Variants in WWOX observed in about 807,000 individuals in gnomAD.
WWOX encodes the protein WW domain-containing oxidoreductase.
A neutral mutation model predicts 46.2 loss-of-function variants in WWOX; 69 were observed. That is an observed-to-expected ratio of 1.49 (90% CI 1.23 to 1.82). The LOEUF (loss-of-function observed/expected upper bound fraction) is 1.82, where lower values mean the gene tolerates loss of function less well. WWOX is among the 40% of genes most tolerant of loss of function. WWOX has a pLI of 0.00. For synonymous variants in WWOX, 359 were observed against 202.6 expected, an observed-to-expected ratio of 1.77 and a Z score of -6.56; for missense variants, 919 against 542.6, an observed-to-expected ratio of 1.69 and a Z score of -6.89.
chr16:78,278,742 G>T, intron 5 of WWOX: 1 of 1,287,972 alleles, frequency 7.8e-7, no homozygotes, highest in South Asian at 1.3e-5. Context: ...TTCATGTTTT[G>T]ACTTCTATCT....
intron 8 of WWOX, among the ~76,000 whole-genome samples, chr16:78,653,110 T>A (rs1483508104): frequency 6.6e-6 from 1 of 152,118 alleles, no homozygotes; most frequent in African/African-American, 2.4e-5. Context: ...GTGATAGCAT[T>A]TTTTTCAACA....
intron 8 of WWOX, among the ~76,000 whole-genome samples, chr16:78,605,751 A>C (rs144304712): frequency 1.3e-5 from 2 of 152,174 alleles, no homozygotes; most frequent in Admixed American, 6.5e-5. Context: ...TTTGCCCTTC[A>C]TGGAAAGGAT....
intron 8 of WWOX, among the ~76,000 whole-genome samples, chr16:78,568,578 C>G (rs989978012): frequency 1.8e-4 from 27 of 150,462 alleles, no homozygotes; most frequent in African/African-American, 6.6e-4. Context: ...TGGATTCAAG[C>G]GAGTTTCCTG....
intron 8 of WWOX, chr16:78,873,351 C>T (rs1048107894): frequency 2.0e-5 from 3 of 152,172 alleles, no homozygotes; most frequent in East Asian, 1.9e-4. Context: ...GGTCATCACC[C>T]TTCAAGTTGA....
intron 8 of WWOX, among the ~76,000 whole-genome samples, chr16:79,034,931 T>A (rs2047836683): frequency 6.6e-6 from 1 of 152,204 alleles, no homozygotes; most frequent in Admixed American, 6.5e-5. Flanking sequence ...AATGATCTTC[T>A]AGTAGGATTA....
rs575357221 is a variant in WWOX, at chr16:78,345,981, C to T, written c.517-40879C>T. On this transcript the variant is annotated intron_variant, in intron 5 of 8. Transcript: ENST00000566780. ...GAAAATAAAAAAAATAGAACATTTA[C>T]ATCACCTCAAAAAGATTTCAAATGC... 7.5e-5 allele frequency among the ~76,000 whole-genome samples: 9 copies of T among 120,288 alleles called. 3 individuals carry two copies. The highest frequency in any genetic ancestry group is 2.0e-4 in the African/African-American group (7 of 35,416). 78.9% of individuals were successfully genotyped at this position (120,288 alleles called of 152,430 possible).
intron 8 of WWOX, among the ~76,000 whole-genome samples, chr16:78,694,034 C>G (rs1264804568): frequency 6.6e-6 from 1 of 152,012 alleles, no homozygotes; most frequent in African/African-American, 2.4e-5. Context: ...GAGTTCAAGA[C>G]CAGCCTGGCC....
intron 8 of WWOX, among the ~76,000 whole-genome samples, chr16:78,482,173 T>A (rs1459590319): frequency 1.3e-5 from 2 of 152,152 alleles, no homozygotes; most frequent in Non-Finnish European, 2.9e-5. Flanking sequence ...ACAGCCCTCA[T>A]TAGTGAAGCA....
intron 8 of WWOX, among the ~76,000 whole-genome samples, chr16:78,550,274 C>T (rs1426631280): frequency 6.6e-6 from 1 of 152,218 alleles, no homozygotes; most frequent in Admixed American, 6.5e-5. Flanking sequence ...GAGTCTAGAA[C>T]AGCATCTGCA....
chr16:78,578,266 A>ATATATATG (rs1555567075), intron 8 of WWOX, among the ~76,000 whole-genome samples: 1 of 22,302 alleles, frequency 4.5e-5, no homozygotes, highest in Non-Finnish European at 1.1e-4. Flanking sequence ...ATATATATAT[A>ATATATATG]TATATATATA....
intron 6 of WWOX, among the ~76,000 whole-genome samples, chr16:78,393,476 T>C (rs1427332888): frequency 6.6e-6 from 1 of 151,430 alleles, no homozygotes; most frequent in African/African-American, 2.4e-5. Context: ...CTGGGCAACG[T>C]AGTGAGACGC....
intron 8 of WWOX, among the ~76,000 whole-genome samples, chr16:78,508,765 C>G (rs1391512210): frequency 6.6e-6 from 1 of 152,184 alleles, no homozygotes; most frequent in Non-Finnish European, 1.5e-5. Context: ...AGCACTATGC[C>G]TGCAGCCGAT....
At chr16:78,630,398 C>A (rs1018505474) in intron 8 of WWOX, among the ~76,000 whole-genome samples, 1 of 152,114 alleles carries the variant, frequency 6.6e-6, no homozygotes, top group African/African-American at 2.4e-5. Flanking sequence ...AAATAGGGCT[C>A]ATGTGGAATA....
chr16:78,135,925 GT>G (rs1170583625), intron 4 of WWOX, among the ~76,000 whole-genome samples: 1 of 152,158 alleles, frequency 6.6e-6, no homozygotes, highest in Non-Finnish European at 1.5e-5. Flanking sequence ...GTGGGTGATT[GT>G]TTTATAGATG....
intron 8 of WWOX, among the ~76,000 whole-genome samples, chr16:79,159,687 A>T (rs77732090): frequency 0.051 from 7,793 of 152,282 alleles, 346 homozygotes; most frequent in East Asian, 0.15. Context: ...ACTGAGCAGA[A>T]CAGGGGGAAA....
intron 8 of WWOX, among the ~76,000 whole-genome samples, chr16:78,633,406 C>G (rs1271353971): frequency 6.6e-6 from 1 of 152,206 alleles, no homozygotes; most frequent in African/African-American, 2.4e-5. Flanking sequence ...CCCTCCCTCT[C>G]CACCCTTCCT....
At chr16:78,641,961 C>G (rs775127298) in intron 8 of WWOX, among the ~76,000 whole-genome samples, 1 of 152,110 alleles carries the variant, frequency 6.6e-6, no homozygotes, top group East Asian at 1.9e-4. Context: ...TTATTCCTCC[C>G]CTTTTATCAA....
chr16:78,770,322 G>C (rs150104588), intron 8 of WWOX, among the ~76,000 whole-genome samples: 2,088 of 152,094 alleles, frequency 0.014, 47 homozygotes, highest in African/African-American at 0.048. Flanking sequence ...CTGTACTCCA[G>C]CCTGGGCCAT....
At chr16:78,280,951 G>C (rs918021691) in intron 5 of WWOX, 1 of 152,992 alleles carries the variant, frequency 6.5e-6, no homozygotes, top group African/African-American at 2.4e-5. Flanking sequence ...AACATCACAT[G>C]CAGGAATGCT....
Sources: gnomAD v4.1 joint callset for allele counts (sites outside exome capture counted in the v4.1 genomes callset) on GRCh38, gnomAD v4.1.1 for gene constraint, MANE v1.5 for transcripts, NCBI Gene and HGNC (gene_info 2026-07-23, HGNC 2026-07-21) for gene names.